HOMER2: variants seen among roughly 807,000 people sequenced by gnomAD.
HOMER2 encodes the protein homer scaffold protein 2.
In HOMER2, 27 loss-of-function variants were observed where a neutral mutation model predicts 47.0. The observed-to-expected ratio is 0.57, with a 90% CI of 0.42 to 0.79. The LOEUF is 0.79. Ranked by LOEUF, HOMER2 falls within the 30% of genes least tolerant of loss-of-function variation. HOMER2 has a pLI of 0.00. For missense variants in HOMER2, 443 were observed against 435.0 expected (o/e 1.02, Z -0.16); for synonymous variants, 161 against 163.8 (o/e 0.98, Z 0.13).
At chr15:82,898,079 G>C (rs1826713804) in intron 1 of HOMER2, among the ~76,000 whole-genome samples, 1 of 152,086 alleles carries the variant, frequency 6.6e-6, no homozygotes, top group South Asian at 2.1e-4. Flanking sequence ...GAGTGGGCAG[G>C]GCTCACCACA....
chr15:82,954,156 A>C (rs545502215), upstream of HOMER2, among the ~76,000 whole-genome samples: 4 of 152,318 alleles, frequency 2.6e-5, no homozygotes, highest in African/African-American at 7.2e-5. Flanking sequence ...CATGCATAGT[A>C]ATCAGCAATA....
intron 1 of HOMER2, among the ~76,000 whole-genome samples, chr15:82,942,323 A>G (rs549451632): frequency 2.6e-5 from 4 of 152,328 alleles, no homozygotes; most frequent in African/African-American, 9.6e-5. Context: ...CCAAAGGATC[A>G]AGAAAGGTAA....
At chr15:82,882,229 C>G (rs1371590801) in intron 2 of HOMER2, among the ~76,000 whole-genome samples, 1 of 136,076 alleles carries the variant, frequency 7.3e-6, no homozygotes, top group Non-Finnish European at 1.6e-5. Flanking sequence ...GTCCTTGGGT[C>G]CCCCCTTGGC....
rs2053585071 is a variant in HOMER2 at position 82,916,244 on chromosome 15, C to G, written c.6-23403G>C. Among the ~76,000 whole-genome samples, 6 of 152,310 alleles carry G rather than the reference C, an allele frequency of 3.9e-5. No homozygotes were observed. The South Asian group carries it at 1.2e-3, about 32-fold the overall frequency. On this transcript the variant is annotated intron_variant, in intron 1 of 8. Transcript: ENST00000450735. Reference sequence around the variant, plus strand: ...GTGAAAAGAGCGAGTTGCTAAACAGCACCATCCTCTGCTCCCATTCTTATA... The same window carrying G: ...GTGAAAAGAGCGAGTTGCTAAACAGGACCATCCTCTGCTCCCATTCTTATA...
intron 1 of HOMER2, among the ~76,000 whole-genome samples, chr15:82,925,583 T>A (rs1276080488): frequency 6.6e-6 from 1 of 152,170 alleles, no homozygotes; most frequent in Non-Finnish European, 1.5e-5. Flanking sequence ...CCCAGAACTG[T>A]TCAGAGAAAT....
chr15:82,859,338 A>G (rs1319932510), intron 4 of HOMER2, among the ~76,000 whole-genome samples: 3 of 152,148 alleles, frequency 2.0e-5, no homozygotes, highest in Non-Finnish European at 2.9e-5. Flanking sequence ...AACAAAAAAG[A>G]AAACAAAACC....
chr15:82,968,656 A>G (rs1211457614), intron 1 of HOMER2, among the ~76,000 whole-genome samples: 3 of 152,254 alleles, frequency 2.0e-5, no homozygotes, highest in African/African-American at 7.2e-5. Flanking sequence ...TAACAGAACA[A>G]AAAGAGCTTT....
exon 2 of HOMER2, chr15:82,842,404 A>G (rs1222498851): frequency 6.7e-6 from 1 of 149,598 alleles, no homozygotes; most frequent in Admixed American, 6.7e-5. Flanking sequence ...TCCTGGGTTC[A>G]CTGCCTCAGC....
chr15:82,953,576 A>C (rs1179909368), upstream of HOMER2, among the ~76,000 whole-genome samples: 1 of 152,170 alleles, frequency 6.6e-6, no homozygotes, highest in African/African-American at 2.4e-5. Context: ...CAGGACAGTA[A>C]AAAAGTCAAG....
chr15:82,980,302 C>T (rs1214539912), intron 1 of HOMER2, among the ~76,000 whole-genome samples: 1 of 152,126 alleles, frequency 6.6e-6, no homozygotes, highest in Non-Finnish European at 1.5e-5. Context: ...GACAATATTC[C>T]TGTCTCAGTC....
chr15:82,840,855 T>C (rs911274561), exon 2 of HOMER2: 4 of 151,702 alleles, frequency 2.6e-5, no homozygotes, highest in Non-Finnish European at 5.9e-5. Context: ...CACTACTAGA[T>C]TTGGACAGTT....
At chr15:82,942,747 G>C (rs1431430247) in intron 1 of HOMER2, among the ~76,000 whole-genome samples, 3 of 152,180 alleles carry the variant, frequency 2.0e-5, no homozygotes, top group Non-Finnish European at 4.4e-5. Flanking sequence ...TTGGCAGACC[G>C]GTTTTCTTGT....
chr15:82,953,709 T>C (rs1444647549), upstream of HOMER2, among the ~76,000 whole-genome samples: 12 of 152,048 alleles, frequency 7.9e-5, no homozygotes, highest in Admixed American at 5.9e-4. Context: ...CCGTCTCTAC[T>C]AAAAATACAC....
intron 1 of HOMER2, among the ~76,000 whole-genome samples, chr15:82,893,999 C>A (rs1161948546): frequency 6.6e-6 from 1 of 152,208 alleles, no homozygotes; most frequent in African/African-American, 2.4e-5. Flanking sequence ...ACTTCTGGAA[C>A]CATTCAACAA....
At chr15:82,876,865 A>C (rs1029053972) in intron 2 of HOMER2, among the ~76,000 whole-genome samples, 3 of 152,254 alleles carry the variant, frequency 2.0e-5, no homozygotes, top group African/African-American at 7.2e-5. Context: ...CGTTGCCTTA[A>C]CTAAAGGGAT....
At chr15:82,857,592 G>A (rs1213006973) in intron 5 of HOMER2, among the ~76,000 whole-genome samples, 5 of 151,802 alleles carry the variant, frequency 3.3e-5, no homozygotes, top group African/African-American at 9.7e-5. Context: ...CACCGTGCCC[G>A]GCCAATTTTT....
At chr15:82,863,130 G>A (rs932307199) in intron 4 of HOMER2, among the ~76,000 whole-genome samples, 2 of 151,966 alleles carry the variant, frequency 1.3e-5, no homozygotes, top group African/African-American at 4.8e-5. Flanking sequence ...CATCGATCTT[G>A]ACTGCTCAAG....
At chr15:82,900,039 TATAATA>T (rs1163646675) in intron 1 of HOMER2, among the ~76,000 whole-genome samples, 1 of 151,898 alleles carries the variant, frequency 6.6e-6, no homozygotes, top group Non-Finnish European at 1.5e-5. Flanking sequence ...ATAAAAAATA[TATAATA>T]ATAGATTGCC....
At chr15:82,983,373 A>G (rs2030462084) in intron 1 of HOMER2, among the ~76,000 whole-genome samples, 1 of 152,144 alleles carries the variant, frequency 6.6e-6, no homozygotes, top group Admixed American at 6.5e-5. Flanking sequence ...ACATTTACAT[A>G]TCTGGGTAGA....
Sources: gnomAD v4.1 joint callset for allele counts (sites outside exome capture counted in the v4.1 genomes callset) on GRCh38, gnomAD v4.1.1 for gene constraint, MANE v1.5 for transcripts, NCBI Gene and HGNC (gene_info 2026-07-23, HGNC 2026-07-21) for gene names.